Variants in COL27A1 observed in about 807,000 individuals in gnomAD.
COL27A1 encodes the protein collagen alpha-1(XXVII) chain.
Under a neutral mutation model 251.3 loss-of-function variants are expected in COL27A1, and 106 were observed. That is an observed-to-expected ratio of 0.42 (90% CI 0.36 to 0.50). COL27A1 has a LOEUF of 0.50. COL27A1 is among the 20% of genes least tolerant of loss of function. The pLI, the probability that COL27A1 is intolerant of heterozygous loss-of-function variation, is 0.00. For missense variants in COL27A1, 2,325 were observed against 2,522.8 expected (o/e 0.92, Z 1.68); for synonymous variants, 1,000 against 986.3 (o/e 1.01, Z -0.26).
rs925527457 is a variant in COL27A1 at position 114,194,425 on chromosome 9, C to A, written c.2038C>A (p.Leu680Ile). 1.2e-6 allele frequency: 2 copies of A among 1,612,750 alleles called. No homozygotes were observed. Among genetic ancestry groups the A allele is most frequent in the East Asian group, 2.2e-5 (1 of 44,816 alleles). Residue 680 changes from leucine to isoleucine, a missense_variant, in exon 6 of 61, where the codon CTC becomes ATC. By Grantham distance (5) the Leu-to-Ile change is conservative. Coordinates refer to ENST00000356083, the MANE Select transcript of COL27A1 (RefSeq NM_032888.4). ...GAKGQKGDPGLSPGKAHDGAK... is the reference protein window; with the variant it reads ...GAKGQKGDPGISPGKAHDGAK... ...TCAGGGACAGAAAGGGGACCCAGGG[C>A]TCTCACCAGGAAAGGCCCACGATGG...
At chr9:114,287,494 C>A (rs1344832602) in intron 41 of COL27A1, among the ~76,000 whole-genome samples, 1 of 152,150 alleles carries the variant, frequency 6.6e-6, no homozygotes, top group Non-Finnish European at 1.5e-5. Flanking sequence ...CACCTCTAAA[C>A]TCTGTTCCGC....
intron 22 of COL27A1, 100 bp downstream of exon 22, chr9:114,242,331 A>T: frequency 9.5e-7 from 1 of 1,052,406 alleles, no homozygotes; most frequent in Non-Finnish European, 1.4e-6. Context: ...GGAAGTCATC[A>T]GTGAGGGCCT....
At chr9:114,251,091 T>G (rs1426769332) in intron 25 of COL27A1, among the ~76,000 whole-genome samples, 7 of 152,108 alleles carry the variant, frequency 4.6e-5, no homozygotes, top group Non-Finnish European at 1.0e-4. Context: ...ACCCAGATAA[T>G]AAGTGGCAGT....
chr9:114,174,300 G>T (rs553726078), intron 3 of COL27A1, among the ~76,000 whole-genome samples: 3 of 147,950 alleles, frequency 2.0e-5, no homozygotes, highest in South Asian at 2.2e-4. Flanking sequence ...AGCAGAGGCA[G>T]GTGAAACACA....
At chr9:114,240,103 T>TG in intron 19 of COL27A1, 117 bp from the exon 20 acceptor site, 1 of 913,918 alleles carries the variant, frequency 1.1e-6, no homozygotes, top group Non-Finnish European at 1.8e-6. Context: ...CTGACCTGCC[T>TG]GGGGTCCCAT....
intron 3 of COL27A1, among the ~76,000 whole-genome samples, chr9:114,174,664 T>C (rs2135123119): frequency 6.6e-6 from 1 of 152,254 alleles, no homozygotes; most frequent in Non-Finnish European, 1.5e-5. Flanking sequence ...GCATATGCCA[T>C]CTCAGAATAT....
At chr9:114,199,823 TC>T (rs1474883829) in intron 7 of COL27A1, among the ~76,000 whole-genome samples, 1 of 152,162 alleles carries the variant, frequency 6.6e-6, no homozygotes. Context: ...ACTCCCTCGC[TC>T]CTCACCTCTG....
chr9:114,261,243 G>T (rs1337335293), intron 28 of COL27A1, among the ~76,000 whole-genome samples: 1 of 152,160 alleles, frequency 6.6e-6, no homozygotes, highest in Non-Finnish European at 1.5e-5. Flanking sequence ...TCCCCACCAA[G>T]CCTGATCCCC....
intron 49 of COL27A1, 51 bp downstream of exon 49, chr9:114,292,261 A>G: frequency 1.5e-6 from 2 of 1,351,686 alleles, no homozygotes; most frequent in Non-Finnish European, 2.1e-6. Context: ...ACATGCACAC[A>G]CTCACATACA....
At chr9:114,245,128 C>T (rs1833024391) in intron 23 of COL27A1, among the ~76,000 whole-genome samples, 1 of 147,872 alleles carries the variant, frequency 6.8e-6, no homozygotes, top group African/African-American at 2.5e-5. Context: ...CAGCCTGATG[C>T]AGTGGGAATG....
intron 9 of COL27A1, 65 bp downstream of exon 9, chr9:114,205,877 G>A (rs894809811): frequency 8.4e-6 from 12 of 1,429,236 alleles, no homozygotes; most frequent in South Asian, 2.5e-5. Flanking sequence ...CAGGTGCCCC[G>A]AGGCAGAGGG....
chr9:114,202,868 C>T (rs1588650133), intron 7 of COL27A1, among the ~76,000 whole-genome samples: 1 of 152,182 alleles, frequency 6.6e-6, no homozygotes, highest in African/African-American at 2.4e-5. Context: ...TGTTCTCTGT[C>T]TGTAACTTTA....
chr9:114,232,076 G>C lies in COL27A1; in HGVS notation c.2565+210G>C, dbSNP rs554512434. Among the ~76,000 whole-genome samples, 488 of 152,286 alleles carry C rather than the reference G, an allele frequency of 3.2e-3. 4 individuals are homozygous for C. The highest frequency in any genetic ancestry group is 6.1e-3 in the Non-Finnish European group (414 of 68,028). Reference sequence around the variant, plus strand: ...TGGTTCTGGGAGCCCGAAAACCTCAGCAGATAGTGCAGGAGCAGCTGTTGC... The same window carrying C: ...TGGTTCTGGGAGCCCGAAAACCTCACCAGATAGTGCAGGAGCAGCTGTTGC... On this transcript the variant is annotated intron_variant, in intron 16 of 60. Coordinates refer to ENST00000356083, the MANE Select transcript of COL27A1 (RefSeq NM_032888.4).
At chr9:114,231,951 C>G in intron 16 of COL27A1, 85 bp downstream of exon 16, 1 of 1,317,056 alleles carries the variant, frequency 7.6e-7, no homozygotes, top group Non-Finnish European at 1.1e-6. Flanking sequence ...GATTTCTCGC[C>G]AGGTCCACTC....
At position 114,306,597 on chromosome 9, in the gene COL27A1, C is replaced by T; in HGVS notation, c.5016C>T (p.Leu1672=). The change falls in exon 58 of 61, where the codon CTC becomes CTT. Residue 1672 remains leucine, a synonymous_variant. Transcript: ENST00000356083. Reference sequence around the variant, plus strand: ...AAACCTTACACTACCTCAGCAACCTCATCCAGAGCATTAAGACGCCCCTGG... The same window carrying T: ...AAACCTTACACTACCTCAGCAACCTTATCCAGAGCATTAAGACGCCCCTGG... The part of the protein sequence containing the change: ...IFKTLHYLSN[L]IQSIKTPLGT... 2 of 1,614,158 alleles carry T rather than the reference C, an allele frequency of 1.2e-6. No homozygotes were observed. Among genetic ancestry groups the T allele is most frequent in the Non-Finnish European group, 1.7e-6 (2 of 1,180,050 alleles).
chr9:114,304,878 G>A (rs958373232), intron 57 of COL27A1, among the ~76,000 whole-genome samples: 2 of 152,206 alleles, frequency 1.3e-5, no homozygotes, highest in African/African-American at 4.8e-5. Flanking sequence ...GCCAGTGCAG[G>A]CAGAGCAAGG....
At chr9:114,163,980 CCAT>C (rs1848665030) in intron 2 of COL27A1, among the ~76,000 whole-genome samples, 1 of 152,160 alleles carries the variant, frequency 6.6e-6, no homozygotes, top group South Asian at 2.1e-4. Flanking sequence ...CCCCTGTCCC[CCAT>C]CTCTTCACCC....
Position 114,302,094 on chromosome 9 carries a change from G to T in COL27A1, c.4858G>T (p.Gly1620Cys). 1.2e-6 allele frequency: 2 copies of T among 1,612,900 alleles called. No homozygotes were observed. The highest frequency in any genetic ancestry group is 8.5e-7 in the Non-Finnish European group (1 of 1,178,906). Residue 1620 changes from glycine (G) to cysteine (C), a missense_variant, in exon 56 of 61, where the codon GGT becomes TGT. By Grantham distance (159) the Gly-to-Cys change is radical. Coordinates refer to ENST00000356083, the MANE Select transcript of COL27A1 (RefSeq NM_032888.4). ...GRPGPPGPPGGPIQLQQDDLG... is the reference protein window; with the variant it reads ...GRPGPPGPPGCPIQLQQDDLG... The stretch of plus-strand genomic sequence containing the variant: ...TCTTCTTTTGCAGGGTCCTCCAGGG[G>T]GTCCTATCCAATTGGTAAGTTGGAA...
chr9:114,162,504 A>C (rs1261830424), intron 1 of COL27A1, among the ~76,000 whole-genome samples: 1 of 152,098 alleles, frequency 6.6e-6, no homozygotes, highest in Admixed American at 6.6e-5. Flanking sequence ...TGTCTATATA[A>C]GCAGGTCCTC....
Sources: allele counts gnomAD v4.1 joint callset (sites outside exome capture counted in the v4.1 genomes callset), GRCh38; gene constraint gnomAD v4.1.1; transcripts MANE v1.5; gene names NCBI Gene and HGNC (gene_info 2026-07-23, HGNC 2026-07-21).